SEMA4D: variants seen among roughly 807,000 people sequenced by gnomAD.
SEMA4D encodes semaphorin-4D.
In SEMA4D, 22 loss-of-function variants were observed where a neutral mutation model predicts 74.8. The ratio of observed to expected loss-of-function variants is 0.29; its 90% CI spans 0.21 to 0.42. The LOEUF (loss-of-function observed/expected upper bound fraction) is 0.42. Among genes scored for constraint, SEMA4D ranks in the 10% least tolerant of loss-of-function variants. SEMA4D has a pLI of 1.00. For missense variants in SEMA4D, 937 were observed against 1,118.4 expected (o/e 0.84, Z 2.31); for synonymous variants, 445 against 463.7 (o/e 0.96, Z 0.52).
At chr9:89,379,752 G>C in intron 15 of SEMA4D, 123 bp from the exon 16 acceptor site, 1 of 1,165,426 alleles carries the variant, frequency 8.6e-7, no homozygotes, top group Non-Finnish European at 1.2e-6. Context: ...GAATCTTCCA[G>C]AACAACTAAG....
intron 8 of SEMA4D, 87 bp downstream of exon 8, chr9:89,392,336 G>C (rs923223057): frequency 1.4e-5 from 15 of 1,088,632 alleles, no homozygotes; most frequent in Admixed American, 7.9e-5. Flanking sequence ...GGGCCCCCAG[G>C]GCTCAGAGAC....
chr9:89,405,963 G>A, intron 2 of SEMA4D: 1 of 1,112,934 alleles, frequency 9.0e-7, no homozygotes, highest in Non-Finnish European at 1.1e-6. Flanking sequence ...GAGAGGACCT[G>A]GTGTGGGGCA....
chr9:89,392,540 CA>C lies in SEMA4D; in HGVS notation c.509-5del, dbSNP rs754144128. The C allele has an allele frequency of 1.0e-4, 160 of 1,599,544 alleles. No homozygotes were observed. The highest frequency in any genetic ancestry group is 1.7e-4 in the Admixed American group (10 of 59,978). ...GTCCCCGAATAAAGTTCTCCATCTG[CA>C]GGGGCCCAGAAGAAAAGAGGAAAAG... On this transcript the variant is annotated splice_polypyrimidine_tract_variant and splice_region_variant and intron_variant, in intron 7 of 15. Transcript: ENST00000422704.
chr9:89,438,305 T>C (rs1300624691), intron 2 of SEMA4D, among the ~76,000 whole-genome samples: 1 of 152,234 alleles, frequency 6.6e-6, no homozygotes, highest in Non-Finnish European at 1.5e-5. Context: ...GCTGGACTTG[T>C]GCTCATGTGG....
intron 2 of SEMA4D, among the ~76,000 whole-genome samples, chr9:89,425,576 C>T (rs902403000): frequency 1.3e-5 from 2 of 152,198 alleles, no homozygotes; most frequent in Admixed American, 1.3e-4. Context: ...TGACATCTGA[C>T]TGAATCCCAG....
At chr9:89,393,871 G>A (rs771290791) in intron 6 of SEMA4D, among the ~76,000 whole-genome samples, 5 of 152,182 alleles carry the variant, frequency 3.3e-5, no homozygotes, top group Non-Finnish European at 5.9e-5. Context: ...CCCTTGCTCC[G>A]TTGCCCTGGC....
At chr9:89,364,688 C>T (rs1021654856) in intron 16 of SEMA4D, 1 of 154,312 alleles carries the variant, frequency 6.5e-6, no homozygotes, top group Non-Finnish European at 1.4e-5. Flanking sequence ...AGTAGAGAGG[C>T]CAGTTACTTC....
chr9:89,419,697 G>A (rs1846486995), intron 2 of SEMA4D, among the ~76,000 whole-genome samples: 1 of 152,194 alleles, frequency 6.6e-6, no homozygotes, highest in African/African-American at 2.4e-5. Context: ...TGGATCACTT[G>A]AGGTCAGGAG....
intron 1 of SEMA4D, among the ~76,000 whole-genome samples, chr9:89,485,805 A>G (rs1327144523): frequency 5.3e-5 from 6 of 112,796 alleles, no homozygotes; most frequent in South Asian, 2.3e-4. Flanking sequence ...AAAAAAAAAA[A>G]AAAAAAAAAG....
intron 2 of SEMA4D, among the ~76,000 whole-genome samples, chr9:89,412,091 C>A (rs956507352): frequency 3.3e-5 from 5 of 152,122 alleles, no homozygotes; most frequent in African/African-American, 1.2e-4. Context: ...ACACTCCATC[C>A]CCCTCTGTGG....
chr9:89,449,069 C>A (rs1279370684), intron 2 of SEMA4D, among the ~76,000 whole-genome samples: 2 of 152,116 alleles, frequency 1.3e-5, no homozygotes, highest in South Asian at 4.1e-4. Context: ...CCACAGAAAA[C>A]AAGGGAGACA....
At chr9:89,417,610 A>G (rs1845991188) in intron 2 of SEMA4D, among the ~76,000 whole-genome samples, 1 of 152,222 alleles carries the variant, frequency 6.6e-6, no homozygotes, top group Non-Finnish European at 1.5e-5. Context: ...ACGGACCAAA[A>G]TTAAGATTAA....
Position 89,478,493 on chromosome 9 carries a change from G to A in SEMA4D, c.-310+19426C>T, listed in dbSNP as rs72750928. 9.4e-3 allele frequency among the ~76,000 whole-genome samples: 1,433 copies of A among 152,240 alleles called. 31 individuals are homozygous for A. The highest frequency in any genetic ancestry group is 0.069 in the South Asian group (330 of 4,816). On this transcript the variant is annotated intron_variant, in intron 1 of 15. Coordinates refer to ENST00000422704, the MANE Select transcript of SEMA4D (RefSeq NM_001371194.2). ...CTGACCTCCAGAACTGGGAGAATAA[G>A]TTTCTGTTGTTGGAAACCACCCAGT...
At chr9:89,438,012 G>T (rs563707509) in intron 2 of SEMA4D, among the ~76,000 whole-genome samples, 1 of 152,348 alleles carries the variant, frequency 6.6e-6, no homozygotes, top group East Asian at 1.9e-4. Flanking sequence ...CAGGGGTAGG[G>T]ATAGAAGGGC....
At position 89,381,064 on chromosome 9, in the gene SEMA4D, C is replaced by T. The variant is rs757127850; in HGVS notation, c.1654G>A (p.Val552Met). 1 of 1,614,144 alleles carries T rather than the reference C, an allele frequency of 6.2e-7. No individual in the cohort carries two copies. The highest frequency in any genetic ancestry group is 8.5e-7 in the Non-Finnish European group (1 of 1,180,044). Residue 552 changes from valine to methionine, a missense_variant, in exon 15 of 16, where the codon GTG (valine) becomes ATG (methionine). Val to Met is a conservative substitution (Grantham distance 21, BLOSUM62 1). Transcript: ENST00000422704. This position sits in a 1 kb window ranked among gnomAD's most constrained non-coding sequence, Gnocchi z 4.6. ...LIQEMSGDASVCPDKSKGSYR... is the reference protein window; with the variant it reads ...LIQEMSGDASMCPDKSKGSYR... Reference sequence around the variant, plus strand: ...TCGAGGAGTCACTCACCCGGGCACACAGAAGCATCGCCGCTCATCTCCTGA... The same window carrying T: ...TCGAGGAGTCACTCACCCGGGCACATAGAAGCATCGCCGCTCATCTCCTGA...
chr9:89,400,501 A>G (rs1467324021), intron 4 of SEMA4D, among the ~76,000 whole-genome samples: 1 of 152,098 alleles, frequency 6.6e-6, no homozygotes, highest in East Asian at 1.9e-4. Flanking sequence ...GAGGAGAGGA[A>G]CCCCACTTTA....
chr9:89,437,953 C>G (rs959460023), intron 2 of SEMA4D, among the ~76,000 whole-genome samples: 1 of 152,254 alleles, frequency 6.6e-6, no homozygotes, highest in African/African-American at 2.4e-5. Context: ...ACAGTGCCAT[C>G]TGGCACCAGG....
intron 2 of SEMA4D, among the ~76,000 whole-genome samples, chr9:89,427,390 C>T (rs1848327072): frequency 6.6e-6 from 1 of 152,146 alleles, no homozygotes; most frequent in Non-Finnish European, 1.5e-5. Flanking sequence ...GGTGAGATGC[C>T]TGTATCAGAA....
intron 16 of SEMA4D, among the ~76,000 whole-genome samples, chr9:89,366,260 G>A (rs766329163): frequency 6.6e-6 from 1 of 152,186 alleles, no homozygotes; most frequent in Non-Finnish European, 1.5e-5. Flanking sequence ...GGATGCTGGT[G>A]GTAACTACCT....
Sources: gnomAD v4.1 joint callset for allele counts (sites outside exome capture counted in the v4.1 genomes callset) on GRCh38, gnomAD v4.1.1 for gene constraint, Gnocchi (gnomAD v3.1) non-coding constraint, MANE v1.5 for transcripts, NCBI Gene and HGNC (gene_info 2026-07-23, HGNC 2026-07-21) for gene names.